SNRPA: variants seen among roughly 807,000 people sequenced by gnomAD.
SNRPA encodes small nuclear ribonucleoprotein polypeptide A, also known as U1 small nuclear ribonucleoprotein A.
In SNRPA, 10 loss-of-function variants were observed where a neutral mutation model predicts 24.5. That is an observed-to-expected ratio of 0.41 (90% CI 0.25 to 0.69). The LOEUF (loss-of-function observed/expected upper bound fraction) is 0.69. Among genes scored for constraint, SNRPA ranks in the 30% least tolerant of loss-of-function variants. The pLI, the probability that SNRPA is intolerant of heterozygous loss-of-function variation, is 0.33. For missense variants in SNRPA, 283 were observed against 394.7 expected, an observed-to-expected ratio of 0.72 and a Z score of 2.40; for synonymous variants, 165 against 148.4, an observed-to-expected ratio of 1.11 and a Z score of -0.81.
Position 40,765,198 on chromosome 19 carries a change from C to T in SNRPA, c.*31C>T. Reference sequence around the variant, plus strand: ...TTTCCCCCCATGCCTGCCCCTTCCCCTGTTCTGGGGCCACCCCTTTCCCCC... The same window carrying T: ...TTTCCCCCCATGCCTGCCCCTTCCCTTGTTCTGGGGCCACCCCTTTCCCCC... On this transcript the variant is annotated 3_prime_UTR_variant, in exon 6 of 6. Coordinates refer to ENST00000243563, the MANE Select transcript of SNRPA (RefSeq NM_004596.5). 1 of 1,466,900 alleles carries T rather than the reference C, an allele frequency of 6.8e-7. No individual in the cohort carries two copies. The allele number at this position is 1,466,900 out of a possible 1,614,324, so 90.9% of individuals were successfully genotyped here.
At chr19:40,757,269 T>A in intron 1 of SNRPA, 63 bp from the exon 2 acceptor site, 1 of 1,530,266 alleles carries the variant, frequency 6.5e-7, no homozygotes, top group Non-Finnish European at 9.0e-7. Context: ...CTGATGGTCT[T>A]CTATTTGGGC....
intron 3 of SNRPA, among the ~76,000 whole-genome samples, chr19:40,761,337 G>A (rs1328875745): frequency 6.6e-6 from 1 of 151,776 alleles, no homozygotes; most frequent in Non-Finnish European, 1.5e-5. Flanking sequence ...GTATCTGCAA[G>A]GGGAAAAAAT....
intron 1 of SNRPA, among the ~76,000 whole-genome samples, chr19:40,756,407 G>A (rs1029361073): frequency 6.6e-6 from 1 of 151,958 alleles, no homozygotes; most frequent in African/African-American, 2.4e-5. Flanking sequence ...ACCAGCCTGG[G>A]CAACATAGCA....
chr19:40,763,825 C>T, intron 5 of SNRPA, 150 bp downstream of exon 5: 1 of 706,972 alleles, frequency 1.4e-6, no homozygotes, highest in Non-Finnish European at 2.5e-6. Flanking sequence ...AAGGAGGAGG[C>T]TGTGGCTGGG....
intron 3 of SNRPA, among the ~76,000 whole-genome samples, chr19:40,761,840 A>G (rs2082934222): frequency 6.6e-6 from 1 of 152,150 alleles, no homozygotes; most frequent in African/African-American, 2.4e-5. Context: ...AAAAGTGGAA[A>G]CATCCTGTTT....
chr19:40,761,139 A>C (rs2082929833), intron 3 of SNRPA, among the ~76,000 whole-genome samples: 2 of 151,858 alleles, frequency 1.3e-5, no homozygotes, highest in Non-Finnish European at 2.9e-5. Flanking sequence ...AAAAAAAAAA[A>C]AAACCTGCAG....
At chr19:40,751,621 C>T (rs1232325971) in intron 1 of SNRPA, 140 bp downstream of exon 1, 7 of 701,910 alleles carry the variant, frequency 1.0e-5, no homozygotes, top group Non-Finnish European at 1.8e-5. Context: ...CAAACTACTT[C>T]CTGTCTTCAA....
rs778666425 is a variant in SNRPA, at chr19:40,763,683, G to A, written c.689+8G>A. 6 of 1,612,164 alleles carry A rather than the reference G, an allele frequency of 3.7e-6. No homozygotes were observed. The highest frequency in any genetic ancestry group is 2.2e-5 in the East Asian group (1 of 44,858). On this transcript the variant is annotated splice_region_variant and intron_variant, in intron 5 of 5. Transcript: ENST00000243563. Reference sequence around the variant, plus strand: ...GTCCATGCTTTTCAATCAGTAAGTGGGGCCTGTGGCTGGGTGGTCCCTGGA... The same window carrying A: ...GTCCATGCTTTTCAATCAGTAAGTGAGGCCTGTGGCTGGGTGGTCCCTGGA...
intron 3 of SNRPA, 80 bp downstream of exon 3, chr19:40,759,690 G>A (rs1276629738): frequency 1.5e-6 from 2 of 1,336,638 alleles, no homozygotes; most frequent in Admixed American, 2.7e-5. Flanking sequence ...ACAGGGTGGG[G>A]AGAGTTCTCC....
intron 1 of SNRPA, among the ~76,000 whole-genome samples, chr19:40,754,719 G>A (rs1399195168): frequency 1.3e-5 from 2 of 152,156 alleles, no homozygotes; most frequent in Non-Finnish European, 2.9e-5. Flanking sequence ...GCTGTGCACT[G>A]GTGGCTCATG....
intron 5 of SNRPA, among the ~76,000 whole-genome samples, 153 bp downstream of exon 5, chr19:40,763,828 T>C (rs2082943417): frequency 6.6e-6 from 1 of 152,116 alleles, no homozygotes; most frequent in South Asian, 2.1e-4. Context: ...GAGGAGGCTG[T>C]GGCTGGGCCC....
At position 40,759,481 on chromosome 19, in the gene SNRPA, C is replaced by T. The variant is rs1391522997; in HGVS notation, c.297C>T (p.Gly99=). The T allele has an allele frequency of 5.6e-6, 9 of 1,613,802 alleles. No individual in the cohort carries two copies. The South Asian group carries it at 6.6e-5, about 12-fold the overall frequency. Residue 99 remains glycine, a synonymous_variant, in exon 3 of 6, where the codon GGC becomes GGT. Transcript: ENST00000243563. The part of the protein sequence containing the change: ...TDSDIIAKMK[G]TFVERDRKRE... ...CAGATATCATTGCCAAGATGAAAGG[C>T]ACCTTCGTGGAGCGGGACCGCAAGC...
chr19:40,759,363 C>T (rs2082921640), intron 2 of SNRPA, 68 bp from the exon 3 acceptor site: 1 of 1,476,946 alleles, frequency 6.8e-7, no homozygotes, highest in South Asian at 1.3e-5. Context: ...GATAAAGGTC[C>T]AATTTTGAAT....
In SNRPA at chr19:40,759,450, C is replaced by T; in HGVS notation, c.266C>T (p.Thr89Ile). 1 of 1,613,228 alleles carries T rather than the reference C, an allele frequency of 6.2e-7. No homozygotes were observed. The highest frequency in any genetic ancestry group is 8.5e-7 in the Non-Finnish European group (1 of 1,179,780). The change falls in exon 3 of 6, where the codon ACC becomes ATC. Residue 89 changes from threonine to isoleucine, a missense_variant. This residue lies in a region of SNRPA where 167 missense variants were observed against 174.3 expected (regional missense o/e 0.96). Transcript: ENST00000243563. ...TGGTAGCGTATCCAGTATGCCAAGA[C>T]CGACTCAGATATCATTGCCAAGATG... ...DKPMRIQYAK[T>I]DSDIIAKMKG...
In SNRPA at chr19:40,763,810, T is replaced by C. The variant is rs16974507; in HGVS notation, c.689+135T>C. On this transcript the variant is annotated intron_variant, in intron 5 of 5. Transcript: ENST00000243563. ...TTGCAGAAGGGACAGCGACCAAAGATGTGAAAGGAGGAGGCTGTGGCTGGG... is the reference window on the plus strand; with the variant it reads ...TTGCAGAAGGGACAGCGACCAAAGACGTGAAAGGAGGAGGCTGTGGCTGGG... 1,127 of 754,012 alleles carry C rather than the reference T, an allele frequency of 1.5e-3. 4 individuals are homozygous for C. Among genetic ancestry groups the C allele is most frequent in the African/African-American group, 0.015 (848 of 58,058 alleles). 46.7% of individuals were successfully genotyped at this position (754,012 alleles called of 1,614,324 possible).
intron 2 of SNRPA, 44 bp downstream of exon 2, chr19:40,757,548 T>TA (rs1473162216): frequency 6.5e-7 from 1 of 1,543,330 alleles, no homozygotes; most frequent in African/African-American, 1.4e-5. Context: ...TGTAAAATGT[T>TA]ATAGGAGACT....
chr19:40,757,577 G>A, intron 2 of SNRPA, 73 bp downstream of exon 2: 5 of 1,388,396 alleles, frequency 3.6e-6, no homozygotes, highest in Non-Finnish European at 4.9e-6. Flanking sequence ...CTGGATTAGA[G>A]GAGGGGATAT....
At chr19:40,751,604 CT>C (rs2082864974) in intron 1 of SNRPA, 123 bp downstream of exon 1, 1 of 763,636 alleles carries the variant, frequency 1.3e-6, no homozygotes, top group Non-Finnish European at 2.3e-6. Flanking sequence ...ACTCCTTGGC[CT>C]TTACACAAAC....
At chr19:40,754,147 A>T (rs1020313216) in intron 1 of SNRPA, among the ~76,000 whole-genome samples, 1 of 123,610 alleles carries the variant, frequency 8.1e-6, no homozygotes, top group African/African-American at 3.0e-5. Context: ...TCTGTTGCCC[A>T]GGCTGGAATG....
Sources: allele counts gnomAD v4.1 joint callset (sites outside exome capture counted in the v4.1 genomes callset), GRCh38; gene constraint gnomAD v4.1.1; regional missense constraint gnomAD v4.1.1; transcripts MANE v1.5; gene names NCBI Gene and HGNC (gene_info 2026-07-23, HGNC 2026-07-21).